TUBGCP5: variants seen among roughly 807,000 people sequenced by gnomAD.
The protein encoded by TUBGCP5 is tubulin gamma complex component 5.
Under a neutral mutation model 134.7 loss-of-function variants are expected in TUBGCP5, and 98 were observed. The observed-to-expected ratio is 0.73, with a 90% CI of 0.62 to 0.86. The LOEUF (loss-of-function observed/expected upper bound fraction) is 0.86. Among genes scored for constraint, TUBGCP5 ranks in the 40% least tolerant of loss-of-function variants. The pLI, the probability that TUBGCP5 is intolerant of heterozygous loss-of-function variation, is 0.00. For missense variants in TUBGCP5, 1,150 were observed against 1,244.8 expected (o/e 0.92, Z 1.15); for synonymous variants, 456 against 431.4 (o/e 1.06, Z -0.71).
At position 23,000,634 on chromosome 15, in the gene TUBGCP5, T is replaced by A; in HGVS notation, c.2963A>T (p.Lys988Ile). 1 of 1,607,448 alleles carries A rather than the reference T, an allele frequency of 6.2e-7. No individual in the cohort carries two copies. The highest frequency in any genetic ancestry group is 8.5e-7 in the Non-Finnish European group (1 of 1,175,424). The change falls in exon 22 of 23, where the codon AAA (lysine) becomes ATA (isoleucine). Residue 988 changes from lysine (K) to isoleucine (I), a missense_variant. Physicochemically the swap from Lys to Ile is moderately radical, Grantham distance 102 (BLOSUM62 -3). This residue lies in a region of TUBGCP5 where 697 missense variants were observed against 850.1 expected (regional missense o/e 0.82). Coordinates refer to ENST00000615383, the MANE Select transcript of TUBGCP5 (RefSeq NM_052903.6). ...ESIEKMESDF[K>I]NCHMFLVTIL... ...GGTTACAAGAAACATATGGCAGTTT[T>A]TAAAATCAGATTCCATTTTCTCTAT...
chr15:23,031,348 G>C (rs1224565907), intron 5 of TUBGCP5, among the ~76,000 whole-genome samples: 1 of 149,750 alleles, frequency 6.7e-6, no homozygotes, highest in Non-Finnish European at 1.5e-5. Flanking sequence ...AGAGTCTCTC[G>C]CTTTGTCATC....
At chr15:23,015,046 G>GA (rs1256084770) in intron 13 of TUBGCP5, among the ~76,000 whole-genome samples, 1 of 152,050 alleles carries the variant, frequency 6.6e-6, no homozygotes, top group Non-Finnish European at 1.5e-5. Flanking sequence ...CCTAATCTGA[G>GA]AAACAGTCCA....
chr15:23,028,617 G>T (rs1464022343), intron 6 of TUBGCP5, among the ~76,000 whole-genome samples: 1 of 151,780 alleles, frequency 6.6e-6, no homozygotes, highest in Admixed American at 6.6e-5. Context: ...GAAAAAAAAA[G>T]TAATAGAAGG....
intron 12 of TUBGCP5, 59 bp downstream of exon 12, chr15:23,019,160 C>G: frequency 8.1e-7 from 1 of 1,235,554 alleles, no homozygotes; most frequent in Non-Finnish European, 1.2e-6. Flanking sequence ...ATTTGATTTT[C>G]ATGGGGAGGA....
intron 3 of TUBGCP5, among the ~76,000 whole-genome samples, chr15:23,035,790 G>C (rs1200433885): frequency 6.6e-6 from 1 of 152,174 alleles, no homozygotes; most frequent in Non-Finnish European, 1.5e-5. Flanking sequence ...GGTGGGGGCT[G>C]TGGACACAGA....
intron 13 of TUBGCP5, among the ~76,000 whole-genome samples, chr15:23,014,512 A>G (rs982409110): frequency 2.0e-5 from 3 of 151,852 alleles, no homozygotes; most frequent in Admixed American, 2.0e-4. Flanking sequence ...CTTGAAGACC[A>G]CCCCCAGTAA....
At chr15:23,003,006 A>G in intron 21 of TUBGCP5, 59 bp downstream of exon 21, 1 of 1,570,946 alleles carries the variant, frequency 6.4e-7, no homozygotes, top group East Asian at 2.2e-5. Flanking sequence ...TCTCTAAAAA[A>G]AAGGGAAGCT....
At chr15:23,000,471 AT>A (rs756323009) in intron 22 of TUBGCP5, 97 bp downstream of exon 22, 3 of 1,529,518 alleles carry the variant, frequency 2.0e-6, no homozygotes, top group Non-Finnish European at 2.6e-6. Context: ...AATGGTGAGA[AT>A]TTCTAATTCT....
chr15:22,996,558 T>C (rs551004116), downstream of TUBGCP5, among the ~76,000 whole-genome samples: 1 of 152,318 alleles, frequency 6.6e-6, no homozygotes, highest in Non-Finnish European at 1.5e-5. Flanking sequence ...TGATCTTGGC[T>C]CACTGCCACT....
chr15:23,008,438 T>C lies in TUBGCP5; in HGVS notation c.2327+261A>G, dbSNP rs551996118. The C allele has an allele frequency of 6.4e-5, 28 of 434,460 alleles. 1 individual carries two copies. In the East Asian group the frequency reaches 1.6e-3, roughly 24 times the overall value. The allele number at this position is 434,460 out of a possible 1,614,324, so 26.9% of individuals were successfully genotyped here. A position where few individuals can be genotyped will look rare whatever the true frequency, so the allele number is the denominator to read the frequency against. On this transcript the variant is annotated intron_variant, in intron 16 of 22. Coordinates refer to ENST00000615383, the MANE Select transcript of TUBGCP5 (RefSeq NM_052903.6). ...CCTGCCACCATGCTTTTTGTATTTTTAGTAGAGACAGAGTTTCACCATGTT... is the reference window on the plus strand; with the variant it reads ...CCTGCCACCATGCTTTTTGTATTTTCAGTAGAGACAGAGTTTCACCATGTT...
intron 23 of TUBGCP5, among the ~76,000 whole-genome samples, chr15:22,985,325 T>G (rs1411772600): frequency 1.3e-5 from 2 of 152,148 alleles, no homozygotes; most frequent in Non-Finnish European, 2.9e-5. Flanking sequence ...TTAAAGCGAT[T>G]GTCCTGCCTC....
At chr15:22,996,880 GT>G (rs2140375395), downstream of TUBGCP5, 1 of 152,260 alleles carries the variant, frequency 6.6e-6, no homozygotes, top group Non-Finnish European at 1.5e-5. Context: ...TGAGGGAGGA[GT>G]GCTTGCTCCC....
rs761735658 is a variant in TUBGCP5, at chr15:23,022,080, C to T, written c.1250G>A (p.Ser417Asn). The T allele has an allele frequency of 1.9e-6, 3 of 1,614,072 alleles. No homozygotes were observed. Among genetic ancestry groups the T allele is most frequent in the Admixed American group, 1.7e-5 (1 of 59,998 alleles). ...AGGTGGAACTTCTGCTACTCCAGTA[C>T]TAAACACTTTGTGCAGAACCTTGAG... ...SQLKVLHKVFSTGVAEVPPDT... is the reference protein window; with the variant it reads ...SQLKVLHKVFNTGVAEVPPDT... Residue 417 changes from serine (S) to asparagine (N), a missense_variant, in exon 11 of 23, where the codon AGT becomes AAT. Transcript: ENST00000615383.
intron 1 of TUBGCP5, 122 bp downstream of exon 1, chr15:23,039,274 CCT>C (rs2066778685): frequency 2.7e-6 from 3 of 1,130,744 alleles, no homozygotes; most frequent in Non-Finnish European, 3.3e-6. Context: ...GCGAAGGCTC[CCT>C]GAGGCCGCGC....
rs1188247843 is a variant in TUBGCP5, at chr15:22,985,197, T to A, written c.*62-1586A>T. ...ATTAATCTCTGCACAAAAACTTGTA[T>A]AATTAATAGTCTTTTGTTTTTTCTT... On this transcript the variant is annotated intron_variant and NMD_transcript_variant, in intron 23 of 23. Transcript: ENST00000614508. Among the ~76,000 whole-genome samples, 4 of 148,546 alleles carry A rather than the reference T, an allele frequency of 2.7e-5. No homozygotes were observed. The East Asian group carries it at 5.9e-4, about 22-fold the overall frequency.
intron 11 of TUBGCP5, among the ~76,000 whole-genome samples, chr15:23,021,032 G>C (rs1464833230): frequency 6.6e-6 from 1 of 152,178 alleles, no homozygotes; most frequent in Non-Finnish European, 1.5e-5. Context: ...GGGATGACAG[G>C]TGTTCGCCAC....
At chr15:23,011,583 C>T (rs1408026679) in intron 13 of TUBGCP5, among the ~76,000 whole-genome samples, 1 of 149,452 alleles carries the variant, frequency 6.7e-6, no homozygotes, top group African/African-American at 2.4e-5. Flanking sequence ...TGGCTCACTG[C>T]AACCTCCGCC....
chr15:23,017,315 G>A (rs1181885706), intron 13 of TUBGCP5, among the ~76,000 whole-genome samples: 2 of 151,912 alleles, frequency 1.3e-5, no homozygotes, highest in Non-Finnish European at 2.9e-5. Flanking sequence ...GCAAAGAAGA[G>A]GATACTGAAT....
Position 23,039,413 on chromosome 15 carries a change from G to A in TUBGCP5, c.131C>T (p.Ala44Val). The A allele has an allele frequency of 6.6e-7, 1 of 1,512,640 alleles. No individual in the cohort carries two copies. Among genetic ancestry groups the A allele is most frequent in the Non-Finnish European group, 8.9e-7 (1 of 1,123,178 alleles). 93.7% of individuals were successfully genotyped at this position (1,512,640 alleles called of 1,614,324 possible). Residue 44 changes from alanine to valine, a missense_variant, in exon 1 of 23, where the codon GCC becomes GTC. Coordinates refer to ENST00000615383, the MANE Select transcript of TUBGCP5 (RefSeq NM_052903.6). ...TGCCCCACACCTGAAGTTGGACCAG[G>A]CGAAGTTTAGGGCGAGCTGGAAGTT... is the stretch of plus-strand genomic sequence containing the variant. ...DPNFQLALNFAWSNFRFHRFL... is the reference protein window; with the variant it reads ...DPNFQLALNFVWSNFRFHRFL...
Sources: allele counts gnomAD v4.1 joint callset (sites outside exome capture counted in the v4.1 genomes callset), GRCh38; gene constraint gnomAD v4.1.1; regional missense constraint gnomAD v4.1.1; transcripts MANE v1.5; gene names NCBI Gene and HGNC (gene_info 2026-07-23, HGNC 2026-07-21).